The following PTPRD variants were observed in gnomAD, a reference collection of about 807,000 sequenced individuals.
The protein encoded by PTPRD is receptor-type tyrosine-protein phosphatase delta.
In PTPRD, 34 loss-of-function variants were observed where a neutral mutation model predicts 214.5. The observed-to-expected ratio is 0.16, with a 90% CI of 0.12 to 0.21. The LOEUF is 0.21. Ranked by LOEUF, PTPRD falls within the 10% of genes least tolerant of loss-of-function variation. PTPRD has a pLI of 1.00. For missense variants in PTPRD, 2,545 were observed against 2,398.7 expected, an observed-to-expected ratio of 1.06 and a Z score of -1.27; for synonymous variants, 1,128 against 845.7, an observed-to-expected ratio of 1.33 and a Z score of -5.79.
At chr9:9,877,077 T>TC (rs2067101451) in intron 5 of PTPRD, among the ~76,000 whole-genome samples, 1 of 152,122 alleles carries the variant, frequency 6.6e-6, no homozygotes, top group African/African-American at 2.4e-5. Context: ...AATTCAAGCA[T>TC]CCAGGCACCA....
chr9:9,277,203 A>G (rs1282142338), intron 9 of PTPRD, among the ~76,000 whole-genome samples: 1 of 151,450 alleles, frequency 6.6e-6, no homozygotes, highest in African/African-American at 2.4e-5. Context: ...GTTAAATTTA[A>G]TTGAACAAAT....
intron 11 of PTPRD, among the ~76,000 whole-genome samples, chr9:8,880,828 A>G (rs982560790): frequency 6.6e-6 from 1 of 152,180 alleles, no homozygotes; most frequent in Non-Finnish European, 1.5e-5. Context: ...TCTGTCATCC[A>G]GGCTGGAGTG....
rs116292489 is a variant in PTPRD at position 8,693,809 on chromosome 9, C to T, written c.64+39971G>A. ...AAACAACACCTACACACACAAAACACTTCCACAACAAAACAAGCCAACAGA... is the reference window on the plus strand; with the variant it reads ...AAACAACACCTACACACACAAAACATTTCCACAACAAAACAAGCCAACAGA... On this transcript the variant is annotated intron_variant, in intron 12 of 45. Transcript: ENST00000381196. Among the ~76,000 whole-genome samples the T allele has an allele frequency of 7.6e-3, 1,159 of 152,320 alleles. 8 individuals carry two copies. The highest frequency in any genetic ancestry group is 0.031 in the Middle Eastern group (9 of 294).
chr9:8,432,774 C>T lies in PTPRD; in HGVS notation c.4086+3818G>A, dbSNP rs149966455. Among the ~76,000 whole-genome samples, 14 of 152,264 alleles carry T rather than the reference C, an allele frequency of 9.2e-5. No individual in the cohort carries two copies. The East Asian group carries it at 2.7e-3, about 29-fold the overall frequency. ...GTTGAATACAACACTTAAACATCTCCTTCATGCCGGTTAAGGCACAGTAGA... is the reference window on the plus strand; with the variant it reads ...GTTGAATACAACACTTAAACATCTCTTTCATGCCGGTTAAGGCACAGTAGA... On this transcript the variant is annotated intron_variant, in intron 35 of 45. Transcript: ENST00000381196.
intron 35 of PTPRD, among the ~76,000 whole-genome samples, chr9:8,421,372 C>CTCTTCTCTTCTCTTCTCTTCTCT (rs1320344995): frequency 6.8e-5 from 10 of 147,638 alleles, no homozygotes; most frequent in East Asian, 2.0e-4. Context: ...CTCTTCTCTT[C>CTCTTCTCTTCTCTTCTCTTCTCT]TCTCTCTCTC....
chr9:8,929,783 GTGTATATATGTGTGTGTATATA>G (rs2098934649), intron 11 of PTPRD, among the ~76,000 whole-genome samples: 1 of 116,054 alleles, frequency 8.6e-6, no homozygotes, highest in Admixed American at 9.3e-5. Context: ...ATATATGGGT[GTGTATATATGTGTGTGTATATA>G]TGTGTATATA....
At chr9:10,523,066 A>G (rs2052902444) in intron 2 of PTPRD, among the ~76,000 whole-genome samples, 1 of 152,096 alleles carries the variant, frequency 6.6e-6, no homozygotes, top group African/African-American at 2.4e-5. Context: ...TGTTGGATGT[A>G]TAATTAATGC....
chr9:9,048,869 T>C (rs759324830), intron 10 of PTPRD, among the ~76,000 whole-genome samples: 1 of 152,158 alleles, frequency 6.6e-6, no homozygotes, highest in African/African-American at 2.4e-5. Flanking sequence ...TACCCCATTT[T>C]CCATGATGTG....
At chr9:9,891,610 T>C (rs372877961) in intron 5 of PTPRD, among the ~76,000 whole-genome samples, 5 of 152,234 alleles carry the variant, frequency 3.3e-5, no homozygotes, top group African/African-American at 1.2e-4. Context: ...TTCCACTTCA[T>C]CAATTAGAGT....
chr9:10,258,003 G>A (rs1411237348), intron 3 of PTPRD, among the ~76,000 whole-genome samples: 1 of 152,130 alleles, frequency 6.6e-6, no homozygotes, highest in Non-Finnish European at 1.5e-5. Flanking sequence ...GGTGGCAGGG[G>A]CAGGAAGCTT....
intron 43 of PTPRD, among the ~76,000 whole-genome samples, chr9:8,333,152 A>G (rs1227993690): frequency 6.6e-6 from 1 of 152,152 alleles, no homozygotes. Flanking sequence ...GAAATAGAGA[A>G]AACTATTTGG....
chr9:8,809,337 T>C (rs1600502084), intron 11 of PTPRD, among the ~76,000 whole-genome samples: 1 of 152,214 alleles, frequency 6.6e-6, no homozygotes, highest in East Asian at 1.9e-4. Flanking sequence ...CAGTGTAAGG[T>C]AGCCAGGGTA....
At chr9:9,421,227 A>G (rs1469668141) in intron 8 of PTPRD, among the ~76,000 whole-genome samples, 1 of 152,062 alleles carries the variant, frequency 6.6e-6, no homozygotes, top group South Asian at 2.1e-4. Flanking sequence ...TTTCTAAAAT[A>G]AAAACACTTT....
intron 3 of PTPRD, among the ~76,000 whole-genome samples, chr9:10,131,550 C>G (rs2098884950): frequency 6.6e-6 from 1 of 152,094 alleles, no homozygotes; most frequent in Non-Finnish European, 1.5e-5. Flanking sequence ...CTCAGAATCC[C>G]AAATCCGTGA....
chr9:9,207,672 T>C (rs2099945718), intron 9 of PTPRD, among the ~76,000 whole-genome samples: 1 of 152,158 alleles, frequency 6.6e-6, no homozygotes, highest in South Asian at 2.1e-4. Context: ...TAAATGTGCA[T>C]TTACCCTTTG....
At chr9:8,468,717 AAG>A (rs1375545454) in intron 31 of PTPRD, among the ~76,000 whole-genome samples, 3 of 151,680 alleles carry the variant, frequency 2.0e-5, no homozygotes, top group African/African-American at 4.8e-5. Flanking sequence ...AAATACATTT[AAG>A]AGAGGAACAC....
intron 8 of PTPRD, among the ~76,000 whole-genome samples, chr9:9,414,336 G>C (rs914402694): frequency 6.6e-6 from 1 of 152,158 alleles, no homozygotes; most frequent in Admixed American, 6.5e-5. Context: ...TTGATTCAAT[G>C]CTTTTGAAAG....
At chr9:9,847,000 C>T (rs1340163746) in intron 5 of PTPRD, among the ~76,000 whole-genome samples, 1 of 151,626 alleles carries the variant, frequency 6.6e-6, no homozygotes, top group Admixed American at 6.6e-5. Flanking sequence ...TTGAGTATGC[C>T]AGAAAAAAAT....
intron 7 of PTPRD, among the ~76,000 whole-genome samples, chr9:9,665,800 G>A (rs1305250220): frequency 1.3e-5 from 2 of 151,874 alleles, no homozygotes; most frequent in Non-Finnish European, 2.9e-5. Context: ...TCACAGTACT[G>A]AGGTAAACTA....
Sources: allele counts gnomAD v4.1 joint callset (sites outside exome capture counted in the v4.1 genomes callset), GRCh38; gene constraint gnomAD v4.1.1; transcripts MANE v1.5; gene names NCBI Gene and HGNC (gene_info 2026-07-23, HGNC 2026-07-21).